AP2A2: variants seen among roughly 807,000 people sequenced by gnomAD.
The protein encoded by AP2A2 is AP-2 complex subunit alpha-2.
AP2A2 carries 32 observed loss-of-function variants against 104.2 expected under a neutral mutation model. That is an observed-to-expected ratio of 0.31 (90% CI 0.23 to 0.41). The LOEUF (loss-of-function observed/expected upper bound fraction) is 0.41. Among genes scored for constraint, AP2A2 ranks in the 10% least tolerant of loss-of-function variants. The pLI is 1.00. For missense variants in AP2A2, 912 were observed against 1,261.0 expected (o/e 0.72, Z 4.19); for synonymous variants, 539 against 533.3 (o/e 1.01, Z -0.15).
At chr11:978,731 C>T (rs980141104) in intron 5 of AP2A2, among the ~76,000 whole-genome samples, 18 of 152,166 alleles carry the variant, frequency 1.2e-4, no homozygotes, top group Non-Finnish European at 2.9e-5. Context: ...CTTCTCTGGT[C>T]TCAAGTCAGG....
intron 1 of AP2A2, among the ~76,000 whole-genome samples, chr11:951,162 G>T (rs764524765): frequency 6.6e-6 from 1 of 151,590 alleles, no homozygotes; most frequent in East Asian, 1.9e-4. Flanking sequence ...TGTTCAATAA[G>T]CATATAAAAG....
chr11:1,008,312 C>G (rs1351555840), intron 18 of AP2A2, 177 bp downstream of exon 18: 2 of 976,954 alleles, frequency 2.0e-6, no homozygotes, highest in Non-Finnish European at 2.8e-6. Context: ...GCGCAGGAAA[C>G]AAGGGGAGGC....
intron 14 of AP2A2, among the ~76,000 whole-genome samples, chr11:997,318 G>A (rs1204581339): frequency 6.6e-6 from 1 of 152,224 alleles, no homozygotes; most frequent in Non-Finnish European, 1.5e-5. Context: ...ATCAGAGGCT[G>A]CCTGGCTTCA....
chr11:952,208 G>A (rs2134530142), intron 1 of AP2A2, among the ~76,000 whole-genome samples: 1 of 152,318 alleles, frequency 6.6e-6, no homozygotes. Flanking sequence ...TGTAGACCAA[G>A]TTTTGCTGCA....
At chr11:975,418 C>T (rs76720326) in intron 4 of AP2A2, among the ~76,000 whole-genome samples, 159 of 69,026 alleles carry the variant, frequency 2.3e-3, no homozygotes, top group Middle Eastern at 0.029. Flanking sequence ...CCTCGGTCTC[C>T]CTTGTGTGAG....
chr11:983,456 C>T (rs964439481), intron 6 of AP2A2, among the ~76,000 whole-genome samples: 10 of 151,826 alleles, frequency 6.6e-5, no homozygotes, highest in Admixed American at 5.9e-4. Context: ...GATCTTGGCT[C>T]ACTACAAGCT....
Position 1,003,715 on chromosome 11 carries a change from C to T in AP2A2, c.2124-7C>T. The T allele has an allele frequency of 1.9e-6, 3 of 1,594,386 alleles. No individual in the cohort carries two copies. Among genetic ancestry groups the T allele is most frequent in the Non-Finnish European group, 2.6e-6 (3 of 1,169,576 alleles). On this transcript the variant is annotated splice_region_variant and splice_polypyrimidine_tract_variant and intron_variant, in intron 15 of 21. Transcript: ENST00000448903. ...GAGTGACACATATACTGTCCCTTTT[C>T]CCCTAGGTTTGTTTGTAAAAACAAT...
intron 9 of AP2A2, among the ~76,000 whole-genome samples, chr11:987,255 G>T (rs1855493590): frequency 6.6e-6 from 1 of 152,242 alleles, no homozygotes; most frequent in African/African-American, 2.4e-5. Context: ...GTGCTGACAA[G>T]TAGAAATGGT....
intron 2 of AP2A2, among the ~76,000 whole-genome samples, chr11:969,653 A>C (rs962049539): frequency 2.0e-5 from 3 of 152,220 alleles, no homozygotes; most frequent in African/African-American, 4.8e-5. Context: ...TGAGGCAGAG[A>C]AACAGAAGCC....
chr11:950,508 C>T (rs1255199938), intron 1 of AP2A2, among the ~76,000 whole-genome samples: 2 of 151,930 alleles, frequency 1.3e-5, no homozygotes, highest in African/African-American at 4.8e-5. Flanking sequence ...TAGGGTTTTG[C>T]CGTGTTGGCC....
intron 1 of AP2A2, among the ~76,000 whole-genome samples, chr11:949,451 C>G (rs1853962046): frequency 6.6e-6 from 1 of 152,108 alleles, no homozygotes; most frequent in Non-Finnish European, 1.5e-5. Context: ...CAACCAAATG[C>G]TAGCCAGTTG....
In AP2A2 at chr11:985,498, C is replaced by T. The variant is rs754072981; in HGVS notation, c.878C>T (p.Pro293Leu). 1.1e-5 allele frequency: 17 copies of T among 1,613,838 alleles called. No homozygotes were observed. The highest frequency in any genetic ancestry group is 4.4e-5 in the South Asian group (4 of 91,090). The change falls in exon 8 of 22, where the codon CCG becomes CTG. Residue 293 changes from proline to leucine, a missense_variant. Around this residue, in one of 7 missense-constraint regions of AP2A2, gnomAD observed 350 missense variants for 487.0 expected, o/e 0.72. Coordinates refer to ENST00000448903, the MANE Select transcript of AP2A2 (RefSeq NM_012305.4). ...ACCATCCTGAACAAAGCCCAAGAAC[C>T]GCCCAAGTCGAAGAAGGTCCAGCAC... ...LETILNKAQE[P>L]PKSKKVQHSN...
intron 1 of AP2A2, among the ~76,000 whole-genome samples, chr11:930,081 A>G (rs1285695928): frequency 1.4e-5 from 2 of 143,680 alleles, no homozygotes; most frequent in African/African-American, 2.6e-5. Context: ...AGATTGTGCC[A>G]TTGCACTCCA....
At position 954,795 on chromosome 11, in the gene AP2A2, G is replaced by C. The variant is rs147480126; in HGVS notation, c.68-4642G>C. Among the ~76,000 whole-genome samples the C allele has an allele frequency of 1.7e-3, 255 of 152,140 alleles. 2 individuals are homozygous for C. The highest frequency in any genetic ancestry group is 5.8e-3 in the African/African-American group (242 of 41,512). ...ATTAAAAGCAAGCTGTGGATGGGAA[G>C]CTGGAACTTGTCTCTGTTTCTGTCC... On this transcript the variant is annotated intron_variant, in intron 1 of 21. Transcript: ENST00000448903.
At chr11:991,121 C>T (rs1855639907) in intron 10 of AP2A2, among the ~76,000 whole-genome samples, 2 of 152,070 alleles carry the variant, frequency 1.3e-5, no homozygotes, top group African/African-American at 2.4e-5. Context: ...CCCCTCTGTC[C>T]TTTCAGCCGG....
In AP2A2 at chr11:981,744, T is replaced by G. The variant is rs182281660; in HGVS notation, c.705+445T>G. 4.5e-3 allele frequency among the ~76,000 whole-genome samples: 690 copies of G among 152,392 alleles called. 6 individuals are homozygous for G. Among genetic ancestry groups the G allele is most frequent in the African/African-American group, 0.015 (606 of 41,598 alleles). On this transcript the variant is annotated intron_variant, in intron 6 of 21. Coordinates refer to ENST00000448903, the MANE Select transcript of AP2A2 (RefSeq NM_012305.4). The stretch of plus-strand genomic sequence containing the variant: ...CATTCATGTTTGATGCTTCATAGAA[T>G]TGGTTGTGTGAATTGTCCGCTGCAG...
rs566499427 is a variant in AP2A2, at chr11:993,693, G to A, written c.1551-61G>A. 4.5e-5 allele frequency: 60 copies of A among 1,341,274 alleles called. No individual in the cohort carries two copies. Among genetic ancestry groups the A allele is most frequent in the Admixed American group, 8.2e-5 (4 of 49,036 alleles). The allele number at this position is 1,341,274 out of a possible 1,614,324, so 83.1% of individuals were successfully genotyped here. A position where few individuals can be genotyped will look rare whatever the true frequency, so the allele number is the denominator to read the frequency against. ...TCTCGCCGCCGTCCCCCCCCCGCGG[G>A]GGCGTGCTGCAGCCTGCGAGGGGAC... On this transcript the variant is annotated intron_variant, in intron 12 of 21. Transcript: ENST00000448903. The surrounding 1 kb of genome is among the most constrained non-coding windows in gnomAD (Gnocchi z 8.2).
chr11:977,000 AC>A, intron 4 of AP2A2, 94 bp from the exon 5 acceptor site: 2 of 1,544,892 alleles, frequency 1.3e-6, no homozygotes, highest in Non-Finnish European at 8.8e-7. Context: ...CGCCAGCCCC[AC>A]CCCCGCGTCT....
At chr11:962,508 G>A (rs568838238) in intron 2 of AP2A2, among the ~76,000 whole-genome samples, 36 of 152,278 alleles carry the variant, frequency 2.4e-4, no homozygotes, top group African/African-American at 8.2e-4. Context: ...TGAGGCGGGC[G>A]GATCGATTGA....
Sources: gnomAD v4.1 joint callset for allele counts (sites outside exome capture counted in the v4.1 genomes callset) on GRCh38, gnomAD v4.1.1 for gene constraint, gnomAD v4.1.1 regional missense constraint, Gnocchi (gnomAD v3.1) non-coding constraint, MANE v1.5 for transcripts, NCBI Gene and HGNC (gene_info 2026-07-23, HGNC 2026-07-21) for gene names.